Variants in SPTAN1 observed in about 807,000 individuals in gnomAD.
SPTAN1 encodes the protein spectrin alpha, non-erythrocytic 1.
SPTAN1 carries 61 observed loss-of-function variants against 331.3 expected under a neutral mutation model. The observed-to-expected ratio is 0.18, with a 90% CI of 0.15 to 0.23. SPTAN1 has a LOEUF of 0.23. SPTAN1 is among the 10% of genes least tolerant of loss of function. SPTAN1 has a pLI of 1.00. For missense variants in SPTAN1, 2,043 were observed against 3,147.9 expected (o/e 0.65, Z 8.40); for synonymous variants, 1,153 against 1,173.9 (o/e 0.98, Z 0.36).
chr9:128,586,905 C>A (rs1230308014), intron 19 of SPTAN1, among the ~76,000 whole-genome samples: 1 of 151,870 alleles, frequency 6.6e-6, no homozygotes, highest in East Asian at 1.9e-4. Context: ...GCAACCTCCA[C>A]CTCCTGGGTT....
rs1851435358 is a variant in SPTAN1, at chr9:128,577,476, A to G, written c.1055A>G (p.Glu352Gly). 6.2e-7 allele frequency: 1 copy of G among 1,614,036 alleles called. No individual in the cohort carries two copies. Among genetic ancestry groups the G allele is most frequent in the Non-Finnish European group, 8.5e-7 (1 of 1,180,052 alleles). ...NWEQIRTLAA[E>G]RHARLNDSYR... ...GAGCAGATCCGCACCTTGGCGGCAG[A>G]GAGACATGCACGGCTCAATGATTCA... The change falls in exon 8 of 57, where the codon GAG becomes GGG. Residue 352 changes from glutamate to glycine, a missense_variant. Around this residue, in one of 12 missense-constraint regions of SPTAN1, gnomAD observed 1,038 missense variants for 1,531.5 expected, o/e 0.68. Coordinates refer to ENST00000372739, the MANE Select transcript of SPTAN1 (RefSeq NM_001130438.3). The surrounding 1 kb of genome is among the most constrained non-coding windows in gnomAD (Gnocchi z 4.2).
intron 2 of SPTAN1, 35 bp downstream of exon 2, chr9:128,567,012 C>G: frequency 2.5e-6 from 4 of 1,612,932 alleles, no homozygotes; most frequent in Non-Finnish European, 3.4e-6. Flanking sequence ...TGCCAAAATT[C>G]AAGAGCCCAA....
chr9:128,563,259 T>A (rs1002077712), intron 1 of SPTAN1, among the ~76,000 whole-genome samples: 2 of 150,732 alleles, frequency 1.3e-5, no homozygotes, highest in African/African-American at 4.9e-5. Flanking sequence ...GTACAAAAAA[T>A]ATAAAAATTA....
chr9:128,611,919 G>T, intron 38 of SPTAN1, 74 bp downstream of exon 38: 1 of 1,611,074 alleles, frequency 6.2e-7, no homozygotes, highest in South Asian at 1.1e-5. Context: ...TAATAACTTG[G>T]ACATACAGTC....
At position 128,581,815 on chromosome 9, in the gene SPTAN1, T is replaced by C. The variant is rs748615499; in HGVS notation, c.1495T>C (p.Leu499=). ...FLLNEDLGDS[L]DSVEALLKKH... ...GTTGAATGAAGACTTGGGAGATTCC[T>C]TGGATAGTGTGGAAGCGCTTCTTAA... Residue 499 remains leucine (L), a synonymous_variant, in exon 12 of 57, where the codon TTG becomes CTG. Coordinates refer to ENST00000372739, the MANE Select transcript of SPTAN1 (RefSeq NM_001130438.3). 1.4e-5 allele frequency: 22 copies of C among 1,614,032 alleles called. No individual in the cohort carries two copies. Among genetic ancestry groups the C allele is most frequent in the African/African-American group, 2.7e-5 (2 of 74,930 alleles).
At chr9:128,602,287 G>T (rs12554457) in intron 27 of SPTAN1, among the ~76,000 whole-genome samples, 36,336 of 149,786 alleles carry the variant, frequency 0.24, 5,042 homozygotes, top group Non-Finnish European at 0.33. Context: ...CGTGATCTCA[G>T]CTCACTGCAA....
chr9:128,609,317 G>A (rs1856304727), intron 36 of SPTAN1, 33 bp downstream of exon 36: 1 of 1,613,960 alleles, frequency 6.2e-7, no homozygotes, highest in Non-Finnish European at 8.5e-7. Context: ...TGGTCTTGAT[G>A]TAGCCTTATG....
At chr9:128,592,113 G>A (rs1182949284) in intron 22 of SPTAN1, among the ~76,000 whole-genome samples, 2 of 152,250 alleles carry the variant, frequency 1.3e-5, no homozygotes, top group African/African-American at 4.8e-5. Flanking sequence ...GGAATCAGCA[G>A]TTTTGGACAC....
At chr9:128,588,764 C>T (rs376278535) in intron 20 of SPTAN1, 45 bp from the exon 21 acceptor site, 159 of 1,611,254 alleles carry the variant, frequency 9.9e-5, no homozygotes, top group Non-Finnish European at 1.3e-4. Flanking sequence ...GATGACTCAG[C>T]GCGGACGTGT....
At chr9:128,628,071 CA>C (rs1564320969) in intron 51 of SPTAN1, 129 bp downstream of exon 51, 1 of 1,152,414 alleles carries the variant, frequency 8.7e-7, no homozygotes, top group East Asian at 2.3e-5. Flanking sequence ...CTTCCCCTCC[CA>C]CCCTTCTCGT....
chr9:128,615,852 C>T lies in SPTAN1; in HGVS notation c.5357+12C>T. 6.2e-7 allele frequency: 1 copy of T among 1,613,964 alleles called. No individual in the cohort carries two copies. The highest frequency in any genetic ancestry group is 8.5e-7 in the Non-Finnish European group (1 of 1,179,840). ...GAGTCCTGGATCAAGTATGTCTTCT[C>T]AGCCCTCTAGAAGGCCCCTTACGCC... On this transcript the variant is annotated intron_variant, in intron 41 of 56. Coordinates refer to ENST00000372739, the MANE Select transcript of SPTAN1 (RefSeq NM_001130438.3).
At chr9:128,594,150 T>C (rs1853909783) in intron 23 of SPTAN1, 25 bp from the exon 24 acceptor site, 1 of 1,613,670 alleles carries the variant, frequency 6.2e-7, no homozygotes, top group East Asian at 2.2e-5. Context: ...CTTGTCCCTC[T>C]TGTCACCCTC....
intron 2 of SPTAN1, 109 bp from the exon 3 acceptor site, chr9:128,568,663 C>G: frequency 6.8e-7 from 1 of 1,477,362 alleles, no homozygotes; most frequent in South Asian, 1.2e-5. Context: ...TGATGTATCC[C>G]TAACTAGAGG....
chr9:128,558,189 GTTCATTTTA>G (rs1848879448), intron 1 of SPTAN1, among the ~76,000 whole-genome samples: 1 of 152,154 alleles, frequency 6.6e-6, no homozygotes, highest in Non-Finnish European at 1.5e-5. Flanking sequence ...ATGCTGACAA[GTTCATTTTA>G]TTCATTTTAT....
At chr9:128,554,142 C>G (rs556761229) in intron 1 of SPTAN1, among the ~76,000 whole-genome samples, 250 of 152,170 alleles carry the variant, frequency 1.6e-3, no homozygotes, top group Non-Finnish European at 2.7e-3. Flanking sequence ...AACAATAAGC[C>G]TTTTTTAGTA....
At chr9:128,579,386 G>C (rs1440926407) in intron 9 of SPTAN1, among the ~76,000 whole-genome samples, 2 of 152,186 alleles carry the variant, frequency 1.3e-5, no homozygotes, top group Non-Finnish European at 1.5e-5. Flanking sequence ...AGACCCATGT[G>C]AATGTGTGGA....
chr9:128,632,213 G>A lies in SPTAN1; in HGVS notation c.6849G>A (p.Leu2283=). The A allele has an allele frequency of 6.2e-7, 1 of 1,613,446 alleles. No homozygotes were observed. The highest frequency in any genetic ancestry group is 8.5e-7 in the Non-Finnish European group (1 of 1,180,002). The change falls in exon 53 of 57, where the codon CTG becomes CTA. Residue 2283 remains leucine, a synonymous_variant. Coordinates refer to ENST00000372739, the MANE Select transcript of SPTAN1 (RefSeq NM_001130438.3). ...CCGCCATGGAGGAGGCCCTCATCCT[G>A]GACAACAAGTACACGGAGCACAGCA... is the stretch of plus-strand genomic sequence containing the variant. ...LGAAMEEALI[L]DNKYTEHSTV... is the part of the protein sequence containing the mutation.
intron 39 of SPTAN1, 69 bp from the exon 40 acceptor site, chr9:128,613,312 A>T (rs1856774946): frequency 1.5e-6 from 2 of 1,341,200 alleles, no homozygotes; most frequent in African/African-American, 2.9e-5. Flanking sequence ...CCACTGGGCA[A>T]CCTGAATTTT....
At chr9:128,576,775 G>A (rs763577865) in intron 5 of SPTAN1, 48 bp from the exon 6 acceptor site, 1 of 1,608,934 alleles carries the variant, frequency 6.2e-7, no homozygotes, top group Non-Finnish European at 8.5e-7. Context: ...ACTAGTTGGA[G>A]GAGCCAGAAG....
Sources: allele counts gnomAD v4.1 joint callset (sites outside exome capture counted in the v4.1 genomes callset), GRCh38; gene constraint gnomAD v4.1.1; regional missense constraint gnomAD v4.1.1; non-coding constraint Gnocchi (gnomAD v3.1); transcripts MANE v1.5; gene names NCBI Gene and HGNC (gene_info 2026-07-23, HGNC 2026-07-21).